The following DOCK4 variants were observed in gnomAD, a reference collection of about 807,000 sequenced individuals.
DOCK4 encodes dedicator of cytokinesis 4.
In DOCK4, 97 loss-of-function variants were observed where a neutral mutation model predicts 268.1. The ratio of observed to expected loss-of-function variants is 0.36; its 90% CI spans 0.31 to 0.43. The LOEUF (loss-of-function observed/expected upper bound fraction) is 0.43. DOCK4 is among the 20% of genes least tolerant of loss of function. DOCK4 has a pLI of 1.00. For missense variants in DOCK4, 2,145 were observed against 2,455.7 expected (o/e 0.87, Z 2.67); for synonymous variants, 954 against 887.2 (o/e 1.08, Z -1.34).
chr7:111,998,608 A>G, intron 3 of DOCK4, 105 bp from the exon 4 acceptor site: 1 of 730,034 alleles, frequency 1.4e-6, no homozygotes, highest in Non-Finnish European at 2.1e-6. Flanking sequence ...AACATCAGGA[A>G]TAGGGAAAAG....
Position 111,736,997 on chromosome 7 carries a change from G to C in DOCK4, c.5233-8C>G. On this transcript the variant is annotated splice_region_variant and splice_polypyrimidine_tract_variant and intron_variant, in intron 49 of 52. Transcript: ENST00000428084. Reference sequence around the variant, plus strand: ...ATGATTAAACAGCATCCTCTGCAAAGTTACAAGGGTTGATTTTTATGATGT... The same window carrying C: ...ATGATTAAACAGCATCCTCTGCAAACTTACAAGGGTTGATTTTTATGATGT... 2 of 1,599,004 alleles carry C rather than the reference G, an allele frequency of 1.3e-6. No homozygotes were observed. The highest frequency in any genetic ancestry group is 1.7e-6 in the Non-Finnish European group (2 of 1,172,354).
chr7:111,833,328 G>A lies in DOCK4; in HGVS notation c.2835+1260C>T, dbSNP rs560653574. Among the ~76,000 whole-genome samples, 7 of 152,156 alleles carry A rather than the reference G, an allele frequency of 4.6e-5. No individual in the cohort carries two copies. In the South Asian group the frequency reaches 1.5e-3, roughly 32 times the overall value. On this transcript the variant is annotated intron_variant, in intron 26 of 52. Transcript: ENST00000428084. ...AGGCTGAGATGGGAGGATTTCTTTAGGCCAGGAGTTTGAGACCAGCCTGGG... is the reference window on the plus strand; with the variant it reads ...AGGCTGAGATGGGAGGATTTCTTTAAGCCAGGAGTTTGAGACCAGCCTGGG...
At chr7:112,171,551 A>C (rs187129519) in intron 1 of DOCK4, among the ~76,000 whole-genome samples, 152 of 152,226 alleles carry the variant, frequency 1.0e-3, no homozygotes, top group African/African-American at 3.3e-3. Flanking sequence ...TCTATACAGC[A>C]TAATAATGTA....
chr7:112,160,361 C>A (rs773736958), intron 1 of DOCK4, among the ~76,000 whole-genome samples: 5 of 152,150 alleles, frequency 3.3e-5, no homozygotes, highest in Non-Finnish European at 7.3e-5. Flanking sequence ...TCACACAATG[C>A]CAGAGAACAG....
At chr7:111,823,568 C>A (rs1334444283) in intron 26 of DOCK4, among the ~76,000 whole-genome samples, 1 of 152,054 alleles carries the variant, frequency 6.6e-6, no homozygotes, top group East Asian at 1.9e-4. Context: ...GCATACAATA[C>A]TTAAAGTGGA....
At chr7:112,140,507 A>C (rs1187134406) in intron 1 of DOCK4, among the ~76,000 whole-genome samples, 1 of 152,106 alleles carries the variant, frequency 6.6e-6, no homozygotes, top group Non-Finnish European at 1.5e-5. Flanking sequence ...TTTCATGGAA[A>C]CAAACCACAT....
chr7:111,788,420 G>T, intron 32 of DOCK4: 1 of 476,786 alleles, frequency 2.1e-6, no homozygotes, highest in East Asian at 3.2e-5. Flanking sequence ...GATTTGTTAT[G>T]TAACATATGC....
In DOCK4 at chr7:112,206,214, C is replaced by A; in HGVS notation, c.-76G>T. On this transcript the variant is annotated 5_prime_UTR_variant, in exon 1 of 53. Coordinates refer to ENST00000428084, the MANE Select transcript of DOCK4 (RefSeq NM_001363540.2). The stretch of plus-strand genomic sequence containing the variant: ...TCCGGCTCACAACAATGCACAGTCC[C>A]CGAGCAGCGCTGCAGTGCCGGAGCC... The A allele has an allele frequency of 6.8e-7, 1 of 1,480,412 alleles. No individual in the cohort carries two copies. Among genetic ancestry groups the A allele is most frequent in the South Asian group, 1.2e-5 (1 of 82,630 alleles). The allele number at this position is 1,480,412 out of a possible 1,614,324, so 91.7% of individuals were successfully genotyped here. A position where few individuals can be genotyped will look rare whatever the true frequency, so the allele number is the denominator to read the frequency against.
At chr7:112,206,038 A>G in intron 1 of DOCK4, 64 bp downstream of exon 1, 1 of 1,526,506 alleles carries the variant, frequency 6.6e-7, no homozygotes, top group South Asian at 1.2e-5. Context: ...CGCGGGGGCA[A>G]GGACGAGAAA....
At chr7:111,746,226 G>C in intron 44 of DOCK4, 108 bp downstream of exon 44, 1 of 800,428 alleles carries the variant, frequency 1.2e-6, no homozygotes, top group Non-Finnish European at 2.0e-6. Flanking sequence ...ACCCTTGCTT[G>C]CCAGCTTCTG....
At position 111,839,067 on chromosome 7, in the gene DOCK4, G is replaced by A. The variant is rs368092113; in HGVS notation, c.2737-4381C>T. On this transcript the variant is annotated intron_variant, in intron 25 of 52. Coordinates refer to ENST00000428084, the MANE Select transcript of DOCK4 (RefSeq NM_001363540.2). ...TCAGAAATTTACCCCAGGTTCCACA[G>A]CTTGAGAATTGTGAGACTGGGATGT... 3.3e-5 allele frequency among the ~76,000 whole-genome samples: 5 copies of A among 152,148 alleles called. No individual in the cohort carries two copies. In the East Asian group the frequency reaches 9.6e-4, roughly 29 times the overall value.
At chr7:111,766,170 G>A (rs1222095758) in intron 38 of DOCK4, among the ~76,000 whole-genome samples, 1 of 152,168 alleles carries the variant, frequency 6.6e-6, no homozygotes, top group African/African-American at 2.4e-5. Flanking sequence ...TTTCATGTTA[G>A]GAGAAGTATC....
intron 8 of DOCK4, chr7:111,971,125 G>C (rs1485930976): frequency 6.6e-6 from 1 of 152,402 alleles, no homozygotes; most frequent in African/African-American, 2.4e-5. Context: ...CTAAGATTTT[G>C]ATCACTAGCA....
At chr7:112,111,465 T>C (rs1220759141) in intron 1 of DOCK4, among the ~76,000 whole-genome samples, 1 of 152,242 alleles carries the variant, frequency 6.6e-6, no homozygotes, top group Admixed American at 6.5e-5. Flanking sequence ...CAGTTTATAC[T>C]GACATCATTT....
intron 1 of DOCK4, among the ~76,000 whole-genome samples, chr7:112,175,396 G>C (rs1165002394): frequency 6.6e-6 from 1 of 151,880 alleles, no homozygotes; most frequent in Non-Finnish European, 1.5e-5. Context: ...TCCCTTATTT[G>C]CCCTGCCTTT....
chr7:111,995,756 T>C (rs1302546643), intron 4 of DOCK4, among the ~76,000 whole-genome samples: 1 of 152,212 alleles, frequency 6.6e-6, no homozygotes, highest in Non-Finnish European at 1.5e-5. Flanking sequence ...ACTAAAATCT[T>C]GCCTTGATTT....
intron 5 of DOCK4, 86 bp from the exon 6 acceptor site, chr7:111,989,249 T>C (rs1799308038): frequency 6.4e-7 from 1 of 1,550,486 alleles, no homozygotes; most frequent in South Asian, 1.2e-5. Context: ...AAGAGGCCCA[T>C]TCTGGTTACC....
At chr7:112,092,709 C>T (rs1479565652) in intron 1 of DOCK4, among the ~76,000 whole-genome samples, 1 of 152,204 alleles carries the variant, frequency 6.6e-6, no homozygotes, top group Non-Finnish European at 1.5e-5. Flanking sequence ...TTGCATTAAA[C>T]TTCTCTTCCT....
At chr7:112,175,084 T>C (rs1371188959) in intron 1 of DOCK4, among the ~76,000 whole-genome samples, 2 of 152,002 alleles carry the variant, frequency 1.3e-5, no homozygotes, top group Admixed American at 1.3e-4. Flanking sequence ...AGGATGGTCT[T>C]GATCTCCTGA....
Sources: gnomAD v4.1 joint callset for allele counts (sites outside exome capture counted in the v4.1 genomes callset) on GRCh38, gnomAD v4.1.1 for gene constraint, MANE v1.5 for transcripts, NCBI Gene and HGNC (gene_info 2026-07-23, HGNC 2026-07-21) for gene names.